The following ARHGAP32 variants were observed in gnomAD, a reference collection of about 807,000 sequenced individuals.
ARHGAP32 encodes the protein rho GTPase-activating protein 32.
ARHGAP32 carries 51 observed loss-of-function variants against 186.5 expected under a neutral mutation model. The ratio of observed to expected loss-of-function variants is 0.27; its 90% CI spans 0.22 to 0.35. The LOEUF (loss-of-function observed/expected upper bound fraction) is 0.35. ARHGAP32 is among the 10% of genes least tolerant of loss of function. ARHGAP32 has a pLI of 1.00. For missense variants in ARHGAP32, 2,186 were observed against 2,623.5 expected (o/e 0.83, Z 3.64); for synonymous variants, 950 against 964.3 (o/e 0.99, Z 0.27).
At chr11:129,012,445 A>C (rs1938127918) in intron 11 of ARHGAP32, among the ~76,000 whole-genome samples, 1 of 152,202 alleles carries the variant, frequency 6.6e-6, no homozygotes, top group Non-Finnish European at 1.5e-5. Context: ...GGTTGCAATG[A>C]AGACCTCTGG....
At chr11:129,063,469 AT>A (rs545186131) in intron 9 of ARHGAP32, among the ~76,000 whole-genome samples, 1 of 152,298 alleles carries the variant, frequency 6.6e-6, no homozygotes, top group South Asian at 2.1e-4. Context: ...GTGAAAAAAA[AT>A]GTATCATTGG....
At chr11:129,090,746 T>G (rs1478749784) in intron 6 of ARHGAP32, among the ~76,000 whole-genome samples, 1 of 152,124 alleles carries the variant, frequency 6.6e-6, no homozygotes, top group African/African-American at 2.4e-5. Flanking sequence ...CAGAATACTT[T>G]TAGGACCTGG....
rs1326252505 is a variant in ARHGAP32 at position 129,123,393 on chromosome 11, T to C, written c.444+53A>G. 8 of 1,452,176 alleles carry C rather than the reference T, an allele frequency of 5.5e-6. No individual in the cohort carries two copies. The highest frequency in any genetic ancestry group is 6.7e-6 in the Non-Finnish European group (7 of 1,040,822). The allele number at this position is 1,452,176 out of a possible 1,614,324, so 90.0% of individuals were successfully genotyped here. ...AGATATATAGATAAGCATCTAGATA[T>C]AAAGGTAAATGTGTAAATCTTAATT... On this transcript the variant is annotated intron_variant, in intron 5 of 22. Coordinates refer to ENST00000682385, the MANE Select transcript of ARHGAP32 (RefSeq NM_001378024.1). This position sits in a 1 kb window ranked among gnomAD's most constrained non-coding sequence, Gnocchi z 4.6.
At chr11:129,128,901 C>T (rs865802616) in intron 2 of ARHGAP32, among the ~76,000 whole-genome samples, 1 of 152,166 alleles carries the variant, frequency 6.6e-6, no homozygotes, top group African/African-American at 2.4e-5. Flanking sequence ...GTTGCCCAGG[C>T]TGGAGTGCAG....
intron 10 of ARHGAP32, among the ~76,000 whole-genome samples, chr11:129,052,880 G>A (rs1299170336): frequency 6.6e-6 from 1 of 151,888 alleles, no homozygotes; most frequent in African/African-American, 2.4e-5. Context: ...TAAATAATTT[G>A]TAAATTCCAT....
At chr11:128,997,076 G>A (rs1316421392) in intron 12 of ARHGAP32, among the ~76,000 whole-genome samples, 2 of 152,166 alleles carry the variant, frequency 1.3e-5, no homozygotes, top group East Asian at 1.9e-4. Context: ...ACTGCACCCA[G>A]TGAAAACTCT....
intron 2 of ARHGAP32, among the ~76,000 whole-genome samples, chr11:129,148,687 G>A (rs1241945405): frequency 6.6e-6 from 1 of 152,184 alleles, no homozygotes; most frequent in Admixed American, 6.5e-5. Context: ...CAGACAGGGA[G>A]GGGCAAGGTG....
chr11:128,969,532 T>C lies in ARHGAP32; in HGVS notation c.5681A>G (p.His1894Arg). ...MGCSLPEHRAHQEASHRQFCE... is the reference protein window; with the variant it reads ...MGCSLPEHRARQEASHRQFCE... Reference sequence around the variant, plus strand: ...GAACTGCCTATGGCTTGCTTCTTGGTGTGCCCTGTGCTCAGGAAGACTGCA... The same window carrying C: ...GAACTGCCTATGGCTTGCTTCTTGGCGTGCCCTGTGCTCAGGAAGACTGCA... Residue 1894 changes from histidine to arginine, a missense_variant, in exon 23 of 23, where the codon CAC (histidine) becomes CGC (arginine). By Grantham distance (29) the His-to-Arg change is conservative. Around this residue, in one of 5 missense-constraint regions of ARHGAP32, gnomAD observed 1,502 missense variants for 1,570.0 expected, o/e 0.96. Transcript: ENST00000682385. This position sits in a 1 kb window ranked among gnomAD's most constrained non-coding sequence, Gnocchi z 4.8. 1.9e-6 allele frequency: 3 copies of C among 1,614,160 alleles called. No individual in the cohort carries two copies. Among genetic ancestry groups the C allele is most frequent in the Non-Finnish European group, 2.5e-6 (3 of 1,180,028 alleles).
At chr11:129,086,654 T>C (rs1424719314) in intron 6 of ARHGAP32, among the ~76,000 whole-genome samples, 1 of 151,928 alleles carries the variant, frequency 6.6e-6, no homozygotes. Flanking sequence ...ACCCTGTCTC[T>C]ACTAAAAATA....
At chr11:129,089,780 C>T (rs946695956) in intron 6 of ARHGAP32, among the ~76,000 whole-genome samples, 3 of 152,122 alleles carry the variant, frequency 2.0e-5, no homozygotes, top group Non-Finnish European at 4.4e-5. Flanking sequence ...AACATCAGCC[C>T]AAACAAGAGA....
chr11:129,227,721 A>G (rs1020410913), intron 1 of ARHGAP32, among the ~76,000 whole-genome samples: 2 of 152,176 alleles, frequency 1.3e-5, no homozygotes, highest in South Asian at 4.1e-4. Flanking sequence ...GCAGACATCC[A>G]ACAACAGACA....
rs550091116 is a variant in ARHGAP32 at position 129,211,875 on chromosome 11, C to G, written c.-4-47448G>C. The stretch of plus-strand genomic sequence containing the variant: ...CCTAAATGTAAAGTACTAAAATTGG[C>G]CAGGTGTGGTGGCTCACACCTGTAA... On this transcript the variant is annotated intron_variant, in intron 1 of 6. Transcript: ENST00000525234. Among the ~76,000 whole-genome samples the G allele has an allele frequency of 2.6e-5, 4 of 152,256 alleles. No individual in the cohort carries two copies. The South Asian group carries it at 6.2e-4, about 24-fold the overall frequency.
chr11:129,067,673 C>T (rs538234729), intron 6 of ARHGAP32, among the ~76,000 whole-genome samples: 7 of 152,046 alleles, frequency 4.6e-5, no homozygotes, highest in South Asian at 4.1e-4. Context: ...GAGCAAATCC[C>T]GACTGTATAG....
At chr11:129,052,492 A>T (rs1291164913) in intron 10 of ARHGAP32, among the ~76,000 whole-genome samples, 1 of 152,218 alleles carries the variant, frequency 6.6e-6, no homozygotes, top group Non-Finnish European at 1.5e-5. Context: ...ACGTCATCTT[A>T]AAAAATATAC....
In ARHGAP32 at chr11:128,966,753, C is replaced by A. The variant is rs1945230872; in HGVS notation, c.*2154G>T. 6.6e-6 allele frequency: 1 copy of A among 152,210 alleles called. No individual in the cohort carries two copies. The highest frequency in any genetic ancestry group is 1.5e-5 in the Non-Finnish European group (1 of 68,044). 9.4% of individuals were successfully genotyped at this position (152,210 alleles called of 1,614,324 possible). ...CTCAGTTACTTAAAGCCGTGTGTAT[C>A]TCCTGGTCACAGCAGCCCCTCTTCC... On this transcript the variant is annotated 3_prime_UTR_variant, in exon 23 of 23. Transcript: ENST00000682385.
chr11:129,232,042 A>AG (rs1016606605), intron 1 of ARHGAP32, among the ~76,000 whole-genome samples: 1 of 149,228 alleles, frequency 6.7e-6, no homozygotes, highest in Non-Finnish European at 1.5e-5. Flanking sequence ...AAAAAAAAAA[A>AG]AAAAAAAAGA....
At chr11:129,161,114 G>T (rs1162734794) in intron 2 of ARHGAP32, among the ~76,000 whole-genome samples, 1 of 152,110 alleles carries the variant, frequency 6.6e-6, no homozygotes, top group Non-Finnish European at 1.5e-5. Context: ...GCAGAAAATT[G>T]AAACTGGACC....
intron 1 of ARHGAP32, among the ~76,000 whole-genome samples, chr11:129,228,705 T>C (rs1408911309): frequency 6.6e-6 from 1 of 151,944 alleles, no homozygotes; most frequent in East Asian, 1.9e-4. Context: ...TGGGGCTTGT[T>C]GGGGAAGTGG....
chr11:129,109,820 T>A (rs555988955), intron 5 of ARHGAP32, among the ~76,000 whole-genome samples: 1 of 152,198 alleles, frequency 6.6e-6, no homozygotes, highest in East Asian at 1.9e-4. Flanking sequence ...TTTTTGCTGT[T>A]GATTTGTTTG....
Sources: allele counts gnomAD v4.1 joint callset (sites outside exome capture counted in the v4.1 genomes callset), GRCh38; gene constraint gnomAD v4.1.1; regional missense constraint gnomAD v4.1.1; non-coding constraint Gnocchi (gnomAD v3.1); transcripts MANE v1.5; gene names NCBI Gene and HGNC (gene_info 2026-07-23, HGNC 2026-07-21).